Variants in OSMR observed in about 807,000 individuals in gnomAD.
The protein encoded by OSMR is oncostatin M receptor.
OSMR carries 81 observed loss-of-function variants against 99.9 expected under a neutral mutation model. The ratio of observed to expected loss-of-function variants is 0.81; its 90% CI spans 0.68 to 0.97. OSMR has a LOEUF of 0.97. OSMR is among the 50% of genes least tolerant of loss of function. The pLI is 0.00. For synonymous variants in OSMR, 406 were observed against 410.4 expected (o/e 0.99, Z 0.13); for missense variants, 1,099 against 1,153.4 (o/e 0.95, Z 0.68).
intron 15 of OSMR, among the ~76,000 whole-genome samples, chr5:38,928,384 T>C (rs1245797271): frequency 6.6e-6 from 1 of 152,162 alleles, no homozygotes; most frequent in Non-Finnish European, 1.5e-5. Flanking sequence ...GGGTAATTTA[T>C]AAAGGAAACA....
chr5:38,921,864 A>C, intron 12 of OSMR, 70 bp downstream of exon 12: 1 of 1,317,868 alleles, frequency 7.6e-7, no homozygotes, highest in Non-Finnish European at 1.1e-6. Context: ...GGATTTCTGG[A>C]CTACTTCACA....
At chr5:38,892,066 G>A (rs1000578094) in intron 7 of OSMR, among the ~76,000 whole-genome samples, 2 of 152,204 alleles carry the variant, frequency 1.3e-5, no homozygotes, top group African/African-American at 4.8e-5. Flanking sequence ...AACTCCCAGA[G>A]GTAGTAAGGT....
Position 38,881,580 on chromosome 5 carries a change from T to C in OSMR, c.247-13T>C. ...TGGCTATGTGTCTCCAATTGTTTTCTCTTTGCTTTTAGGGGAATTACAGCA... is the reference window on the plus strand; with the variant it reads ...TGGCTATGTGTCTCCAATTGTTTTCCCTTTGCTTTTAGGGGAATTACAGCA... On this transcript the variant is annotated splice_polypyrimidine_tract_variant and intron_variant, in intron 3 of 17. Transcript: ENST00000274276. 6.2e-7 allele frequency: 1 copy of C among 1,614,186 alleles called. No individual in the cohort carries two copies. Among genetic ancestry groups the C allele is most frequent in the Non-Finnish European group, 8.5e-7 (1 of 1,180,010 alleles).
At chr5:38,857,358 G>A (rs762341515) in intron 1 of OSMR, among the ~76,000 whole-genome samples, 6 of 152,096 alleles carry the variant, frequency 3.9e-5, no homozygotes, top group Non-Finnish European at 7.4e-5. Flanking sequence ...GAATATAAGG[G>A]ATATTTTAAA....
intron 11 of OSMR, among the ~76,000 whole-genome samples, chr5:38,920,747 A>G (rs1044889636): frequency 6.6e-6 from 1 of 152,216 alleles, no homozygotes; most frequent in African/African-American, 2.4e-5. Flanking sequence ...ACCAGTTCTT[A>G]GTGTAAGTCT....
Position 38,945,021 on chromosome 5 carries a change from T to G in OSMR, c.*162T>G. On this transcript the variant is annotated 3_prime_UTR_variant and NMD_transcript_variant, in exon 3 of 3. Coordinates refer to the OSMR transcript ENST00000508882. ...TTAGAGGGAACCACTTCTAAAGGAT[T>G]ATGGATAGTCTGCTCACACCAATCA... is the stretch of plus-strand genomic sequence containing the variant. 1 of 1,611,950 alleles carries G rather than the reference T, an allele frequency of 6.2e-7. No homozygotes were observed. The highest frequency in any genetic ancestry group is 1.3e-5 in the African/African-American group (1 of 74,994).
intron 10 of OSMR, among the ~76,000 whole-genome samples, chr5:38,918,327 G>C (rs1429297535): frequency 2.6e-5 from 4 of 152,098 alleles, no homozygotes; most frequent in African/African-American, 9.7e-5. Context: ...CCCAGAAGTG[G>C]GCTTGGGACT....
rs144203725 is a variant in OSMR, at chr5:38,906,008, G to T, written c.1285+1505G>T. The stretch of plus-strand genomic sequence containing the variant: ...TGCAGGCCTCCCCGCTTCCCTGGTG[G>T]TGTCTGCCTATCCTCAAGCCCATTG... On this transcript the variant is annotated intron_variant, in intron 9 of 17. Transcript: ENST00000274276. Among the ~76,000 whole-genome samples the T allele has an allele frequency of 1.6e-3, 246 of 152,152 alleles. 1 individual carries two copies. Among genetic ancestry groups the T allele is most frequent in the Middle Eastern group, 0.01 (3 of 294 alleles).
At position 38,869,321 on chromosome 5, in the gene OSMR, A is replaced by AAGCC. The variant is rs550749122; in HGVS notation, c.73+206_73+209dup. 1.1e-3 allele frequency among the ~76,000 whole-genome samples: 163 copies of AAGCC among 152,314 alleles called. 3 individuals are homozygous for AAGCC. Among genetic ancestry groups the AAGCC allele is most frequent in the African/African-American group, 3.8e-3 (158 of 41,568 alleles). ...CTGTCATCTTGATGGCTCTCTTAAT[A>AAGCC]AGCCACCCTTTGACCCTGACTTCCT... On this transcript the variant is annotated intron_variant, in intron 2 of 17. Transcript: ENST00000274276.
intron 9 of OSMR, among the ~76,000 whole-genome samples, chr5:38,915,817 T>C (rs1277814677): frequency 1.3e-5 from 2 of 152,198 alleles, no homozygotes; most frequent in Non-Finnish European, 2.9e-5. Flanking sequence ...CAAAATGTGA[T>C]TGAGTAGAGA....
chr5:38,878,563 G>A (rs1743013619), intron 3 of OSMR, among the ~76,000 whole-genome samples: 2 of 152,162 alleles, frequency 1.3e-5, no homozygotes, highest in Admixed American at 1.3e-4. Context: ...GGAAGGCAAA[G>A]TAGAGTAAGA....
intron 1 of OSMR, among the ~76,000 whole-genome samples, chr5:38,855,039 C>T (rs1453712926): frequency 6.6e-6 from 1 of 152,122 alleles, no homozygotes; most frequent in Non-Finnish European, 1.5e-5. Flanking sequence ...AGAGGAGACA[C>T]CACCAAGGTT....
intron 1 of OSMR, among the ~76,000 whole-genome samples, chr5:38,858,413 T>C (rs1741028154): frequency 6.6e-6 from 1 of 152,214 alleles, no homozygotes; most frequent in East Asian, 1.9e-4. Flanking sequence ...TGACCTTGAG[T>C]TCTATCCATG....
chr5:38,891,513 C>T (rs1053537214), intron 7 of OSMR, among the ~76,000 whole-genome samples: 1 of 152,204 alleles, frequency 6.6e-6, no homozygotes, highest in African/African-American at 2.4e-5. Context: ...GCCCAGGCAG[C>T]TCCTACTGGG....
Position 38,921,939 on chromosome 5 carries a change from G to T in OSMR, c.1765+145G>T, listed in dbSNP as rs112039948. 2.6e-3 allele frequency: 1,774 copies of T among 695,636 alleles called. 27 individuals carry two copies. The African/African-American group carries it at 0.027, about 11-fold the overall frequency. The allele number at this position is 695,636 out of a possible 1,614,324, so 43.1% of individuals were successfully genotyped here. A position where few individuals can be genotyped will look rare whatever the true frequency, so the allele number is the denominator to read the frequency against. ...ATCCAGCATGGGTGTTAGGAGTTCA[G>T]ATGTTACAAGAATATGTTCTAAAAC... On this transcript the variant is annotated intron_variant, in intron 12 of 17. Transcript: ENST00000274276.
At chr5:38,925,417 A>T (rs1011716133) in intron 15 of OSMR, 46 bp downstream of exon 15, 17 of 1,525,776 alleles carry the variant, frequency 1.1e-5, no homozygotes, top group Non-Finnish European at 4.5e-6. Flanking sequence ...GTTTCTGGGA[A>T]ACTAACAAAT....
In OSMR at chr5:38,883,912, C is replaced by T. The variant is rs552047042; in HGVS notation, c.504C>T (p.Tyr168=). 998 of 1,613,354 alleles carry T rather than the reference C, an allele frequency of 6.2e-4. 16 individuals carry two copies. In the South Asian group the frequency reaches 9.9e-3, roughly 16 times the overall value. ...AAGGCACCAATGTTACCATTTGTTA[C>T]GTTTCTAGGAACATTCAAAATAATG... is the stretch of plus-strand genomic sequence containing the variant. ...VEEGTNVTIC[Y]VSRNIQNNVS... is the part of the protein sequence containing the mutation. Residue 168 remains tyrosine, a synonymous_variant, in exon 5 of 18, where the codon TAC becomes TAT. Coordinates refer to ENST00000274276, the MANE Select transcript of OSMR (RefSeq NM_003999.3).
chr5:38,906,697 ATAAAGT>A (rs1745257683), intron 9 of OSMR, among the ~76,000 whole-genome samples: 2 of 152,200 alleles, frequency 1.3e-5, no homozygotes, highest in Non-Finnish European at 2.9e-5. Flanking sequence ...AACTTAAAGT[ATAAAGT>A]GTTGAGTCAG....
chr5:38,881,776 G>T lies in OSMR; in HGVS notation c.418+12G>T. 1.2e-6 allele frequency: 2 copies of T among 1,609,750 alleles called. No homozygotes were observed. Among genetic ancestry groups the T allele is most frequent in the East Asian group, 4.5e-5 (2 of 44,848 alleles). ...GGAGGAAGTCAGTGGTAAGAAGTGAGGTGGTTACAAGAGTGAAAAGGGTTA... is the reference window on the plus strand; with the variant it reads ...GGAGGAAGTCAGTGGTAAGAAGTGATGTGGTTACAAGAGTGAAAAGGGTTA... On this transcript the variant is annotated intron_variant, in intron 4 of 17. Coordinates refer to ENST00000274276, the MANE Select transcript of OSMR (RefSeq NM_003999.3).
Sources: gnomAD v4.1 joint callset for allele counts (sites outside exome capture counted in the v4.1 genomes callset) on GRCh38, gnomAD v4.1.1 for gene constraint, MANE v1.5 for transcripts, NCBI Gene and HGNC (gene_info 2026-07-23, HGNC 2026-07-21) for gene names.